AFDN: variants seen among roughly 807,000 people sequenced by gnomAD.
The protein encoded by AFDN is afadin, adherens junction formation factor, also known as afadin.
Under a neutral mutation model 216.6 loss-of-function variants are expected in AFDN, and 68 were observed. The observed-to-expected ratio is 0.31, with a 90% confidence interval of 0.26 to 0.38. AFDN has a LOEUF of 0.38. AFDN is among the 10% of genes least tolerant of loss of function. The pLI, the probability that AFDN is intolerant of heterozygous loss-of-function variation, is 1.00. For missense variants in AFDN, 2,136 were observed against 2,342.0 expected, an observed-to-expected ratio of 0.91 and a Z score of 1.82; for synonymous variants, 868 against 853.7, an observed-to-expected ratio of 1.02 and a Z score of -0.29.
rs1554303290 is a variant in AFDN, at chr6:167,924,963, T to C, written c.3013-42T>C. On this transcript the variant is annotated intron_variant, in intron 22 of 33. Coordinates refer to ENST00000683244, the MANE Select transcript of AFDN (RefSeq NM_001386888.1). ...AGTTGTCTAACCATACAGAAGCACTTCCATTTCAGTCATAAAATAAACCTT... is the reference window on the plus strand; with the variant it reads ...AGTTGTCTAACCATACAGAAGCACTCCCATTTCAGTCATAAAATAAACCTT... 3.6e-6 allele frequency: 5 copies of C among 1,399,142 alleles called. No individual in the cohort carries two copies. In the South Asian group the frequency reaches 5.8e-5, roughly 16 times the overall value. The allele number at this position is 1,399,142 out of a possible 1,614,324, so 86.7% of individuals were successfully genotyped here.
chr6:167,878,397 G>C (rs1785658421), intron 5 of AFDN, among the ~76,000 whole-genome samples: 1 of 152,102 alleles, frequency 6.6e-6, no homozygotes. Context: ...AATAAGGAGT[G>C]TGCCTTCTGG....
chr6:167,924,446 C>A (rs1792237473), intron 22 of AFDN, among the ~76,000 whole-genome samples: 1 of 152,226 alleles, frequency 6.6e-6, no homozygotes, highest in African/African-American at 2.4e-5. Flanking sequence ...GCGGGCTTCA[C>A]TCAATAGCAG....
chr6:167,848,992 T>A (rs530205540), intron 1 of AFDN, among the ~76,000 whole-genome samples: 2 of 152,286 alleles, frequency 1.3e-5, no homozygotes, highest in South Asian at 4.2e-4. Context: ...GCATAGTGGT[T>A]GAAAGTGACT....
chr6:167,902,205 C>A (rs1789065813), intron 11 of AFDN, 112 bp from the exon 12 acceptor site: 2 of 730,696 alleles, frequency 2.7e-6, no homozygotes, highest in Non-Finnish European at 4.4e-6. Context: ...AGAGCAATTT[C>A]TTAAAAATCT....
At chr6:167,837,436 A>G (rs1201457823) in intron 1 of AFDN, among the ~76,000 whole-genome samples, 1 of 145,224 alleles carries the variant, frequency 6.9e-6, no homozygotes, top group Non-Finnish European at 1.5e-5. Flanking sequence ...GTTTGCGTGT[A>G]TGTTTAGCTG....
chr6:167,874,450 C>T (rs1288924175), intron 4 of AFDN, among the ~76,000 whole-genome samples: 3 of 152,038 alleles, frequency 2.0e-5, no homozygotes, highest in South Asian at 2.1e-4. Flanking sequence ...GTATTGTTTT[C>T]AGCTCATCAT....
chr6:167,863,604 C>T (rs750250741), intron 1 of AFDN, among the ~76,000 whole-genome samples: 24 of 152,322 alleles, frequency 1.6e-4, no homozygotes, highest in Non-Finnish European at 3.1e-4. Flanking sequence ...AATCTTTAAT[C>T]TTGCTTGAGA....
At chr6:167,827,703 A>G (rs1440634482) in intron 1 of AFDN, 1 of 151,842 alleles carries the variant, frequency 6.6e-6, no homozygotes, top group East Asian at 2.0e-4. Flanking sequence ...TCGGGTTCAT[A>G]AACTTGCAGG....
chr6:167,948,220 A>G (rs1795554453), intron 28 of AFDN, 73 bp from the exon 29 acceptor site: 3 of 1,324,946 alleles, frequency 2.3e-6, no homozygotes, highest in Non-Finnish European at 2.1e-6. Context: ...AAATTTTAAA[A>G]CAGATCATTG....
At chr6:167,917,702 A>G (rs1791267698) in intron 20 of AFDN, among the ~76,000 whole-genome samples, 5 of 152,238 alleles carry the variant, frequency 3.3e-5, no homozygotes, top group African/African-American at 2.4e-5. Context: ...TATAAAGAGA[A>G]ATACTGTAGA....
At chr6:167,950,462 C>G (rs1795846943) in intron 29 of AFDN, among the ~76,000 whole-genome samples, 1 of 151,630 alleles carries the variant, frequency 6.6e-6, no homozygotes, top group African/African-American at 2.4e-5. Flanking sequence ...ACACACATAC[C>G]CCTACCTTTG....
intron 1 of AFDN, among the ~76,000 whole-genome samples, chr6:167,842,343 A>G (rs1781166212): frequency 6.6e-6 from 1 of 151,866 alleles, no homozygotes; most frequent in African/African-American, 2.4e-5. Flanking sequence ...GTCTCAGGAC[A>G]GTGTGTATTG....
intron 1 of AFDN, 133 bp downstream of exon 1, chr6:167,827,370 C>T (rs576578287): frequency 0.027 from 4,099 of 149,388 alleles, 83 homozygotes; most frequent in Non-Finnish European, 0.039. Flanking sequence ...CTTCTCTCCC[C>T]TCCCCCTCCC....
At position 167,951,789 on chromosome 6, in the gene AFDN, C is replaced by T. The variant is rs766135975; in HGVS notation, c.4435C>T (p.Arg1479Trp). The change falls in exon 30 of 34, where the codon CGG becomes TGG. Residue 1479 changes from arginine (R) to tryptophan (W), a missense_variant. By Grantham distance (101) the Arg-to-Trp change is moderately radical. Coordinates refer to ENST00000683244, the MANE Select transcript of AFDN (RefSeq NM_001386888.1). The surrounding 1 kb of genome is among the most constrained non-coding windows in gnomAD (Gnocchi z 7.1). ...MKPEKPSTLQ[R>W]PQETVIRELQ... is the part of the protein sequence containing the mutation. ...GCCCGAAAAGCCTTCCACACTCCAGCGGCCACAGGAAACAGTCATTCGGGA... is the reference window on the plus strand; with the variant it reads ...GCCCGAAAAGCCTTCCACACTCCAGTGGCCACAGGAAACAGTCATTCGGGA... The T allele has an allele frequency of 1.1e-5, 17 of 1,614,002 alleles. No homozygotes were observed. The highest frequency in any genetic ancestry group is 1.4e-5 in the Non-Finnish European group (16 of 1,180,038).
chr6:167,887,601 G>A (rs544660505), intron 6 of AFDN, among the ~76,000 whole-genome samples: 2 of 151,998 alleles, frequency 1.3e-5, no homozygotes, highest in South Asian at 4.2e-4. Flanking sequence ...GACTACAGGC[G>A]CACGCTGCCA....
At chr6:167,925,929 C>G (rs917535729) in intron 23 of AFDN, among the ~76,000 whole-genome samples, 10 of 152,132 alleles carry the variant, frequency 6.6e-5, no homozygotes, top group Admixed American at 1.3e-4. Flanking sequence ...AAAAATAACA[C>G]TTTGGCCACT....
At chr6:167,908,444 C>T (rs1041140139) in intron 13 of AFDN, among the ~76,000 whole-genome samples, 5 of 151,992 alleles carry the variant, frequency 3.3e-5, no homozygotes, top group African/African-American at 9.7e-5. Context: ...GTTTACTTTC[C>T]GTGTTTGTAC....
At chr6:167,957,013 TCTC>T (rs1237630134) in intron 30 of AFDN, among the ~76,000 whole-genome samples, 1 of 152,218 alleles carries the variant, frequency 6.6e-6, no homozygotes, top group Non-Finnish European at 1.5e-5. Context: ...TCGGGTCTCA[TCTC>T]CTCTTCACAC....
In AFDN at chr6:167,911,110, T is replaced by A. The variant is rs751399961; in HGVS notation, c.1779T>A (p.Asp593Glu). Residue 593 changes from aspartate (D) to glutamate (E), a missense_variant, in exon 14 of 34, where the codon GAT becomes GAA. Asp to Glu is a conservative substitution (Grantham distance 45). Transcript: ENST00000683244. ...AGCTTTCTTCTTTTAGAACACAGGA[T>A]GCTTCTGGGCCTGAGCTGATACTAC... ...DYRRQESRTQDASGPELILPA... is the reference protein window; with the variant it reads ...DYRRQESRTQEASGPELILPA... 17 of 1,612,952 alleles carry A rather than the reference T, an allele frequency of 1.1e-5. No homozygotes were observed. Among genetic ancestry groups the A allele is most frequent in the Admixed American group, 1.7e-5 (1 of 59,822 alleles).
Sources: allele counts gnomAD v4.1 joint callset (sites outside exome capture counted in the v4.1 genomes callset), GRCh38; gene constraint gnomAD v4.1.1; non-coding constraint Gnocchi (gnomAD v3.1); transcripts MANE v1.5; gene names NCBI Gene and HGNC (gene_info 2026-07-23, HGNC 2026-07-21).